FBN1: variants seen among roughly 807,000 people sequenced by gnomAD.
FBN1 encodes fibrillin 1.
FBN1 carries 29 observed loss-of-function variants against 365.1 expected under a neutral mutation model. That is an observed-to-expected ratio of 0.08 (90% confidence interval 0.06 to 0.11). The LOEUF (loss-of-function observed/expected upper bound fraction) is 0.11, where lower values mean the gene tolerates loss of function less well. Ranked by LOEUF, FBN1 falls within the 10% of genes least tolerant of loss-of-function variation. The pLI is 1.00. For missense variants in FBN1, 2,476 were observed against 3,703.2 expected, an observed-to-expected ratio of 0.67 and a Z score of 8.60; for synonymous variants, 1,210 against 1,270.5, an observed-to-expected ratio of 0.95 and a Z score of 1.01.
chr15:48,422,866 G>C (rs2042953815), intron 60 of FBN1, among the ~76,000 whole-genome samples: 1 of 152,112 alleles, frequency 6.6e-6, no homozygotes, highest in Non-Finnish European at 1.5e-5. Flanking sequence ...GGCAGAGGTT[G>C]CAGTGAGCTG....
At position 48,614,295 on chromosome 15, in the gene FBN1, G is replaced by C. The variant is rs138023986; in HGVS notation, c.165-1203C>G. 2.2e-3 allele frequency among the ~76,000 whole-genome samples: 335 copies of C among 152,280 alleles called. 3 individuals are homozygous for C. Among genetic ancestry groups the C allele is most frequent in the African/African-American group, 7.6e-3 (315 of 41,550 alleles). ...CTAGGAGCAATTCCAAAGCTTACTGGTATAAACACTGTAAACCCAAAAGCA... is the reference window on the plus strand; with the variant it reads ...CTAGGAGCAATTCCAAAGCTTACTGCTATAAACACTGTAAACCCAAAAGCA... On this transcript the variant is annotated intron_variant, in intron 2 of 65. Transcript: ENST00000316623.
At position 48,494,031 on chromosome 15, in the gene FBN1, GTA is replaced by G. The variant is rs551801956; in HGVS notation, c.2728+171_2728+172del. On this transcript the variant is annotated intron_variant, in intron 23 of 65. Coordinates refer to ENST00000316623, the MANE Select transcript of FBN1 (RefSeq NM_000138.5). ...ACATAGCGTTCTGACACTAGCAACA[GTA>G]TATATATGCTTGTGAAATTAACAGC... Among the ~76,000 whole-genome samples the G allele has an allele frequency of 1.5e-4, 23 of 152,300 alleles. No homozygotes were observed. In the East Asian group the frequency reaches 4.2e-3, roughly 28 times the overall value.
chr15:48,470,804 A>T lies in FBN1; in HGVS notation c.4337-48T>A, dbSNP rs374554047. ...CAAAAAACTTAACTTATATTTTTCT[A>T]AAAAAAACCTGCCAAATATAATTAG... On this transcript the variant is annotated intron_variant, in intron 35 of 65. Transcript: ENST00000316623. 88 of 1,582,122 alleles carry T rather than the reference A, an allele frequency of 5.6e-5. No homozygotes were observed. The African/African-American group carries it at 9.6e-4, about 17-fold the overall frequency.
rs527908132 is a variant in FBN1 at position 48,524,077 on chromosome 15, A to G, written c.988+2053T>C. ...GTACAACCAGGAGTTAGGAGTTGTG[A>G]GGCTCAAACTAGGGAAAGGACATCT... On this transcript the variant is annotated intron_variant, in intron 9 of 65. Coordinates refer to ENST00000316623, the MANE Select transcript of FBN1 (RefSeq NM_000138.5). 4.7e-4 allele frequency among the ~76,000 whole-genome samples: 71 copies of G among 152,312 alleles called. 1 individual carries two copies. Among genetic ancestry groups the G allele is most frequent in the African/African-American group, 1.5e-3 (61 of 41,560 alleles).
intron 6 of FBN1, among the ~76,000 whole-genome samples, chr15:48,566,390 G>C (rs944197456): frequency 6.6e-6 from 1 of 152,104 alleles, no homozygotes; most frequent in East Asian, 1.9e-4. Context: ...TTTTACTTGT[G>C]TCTCCACACT....
intron 2 of FBN1, 101 bp from the exon 3 acceptor site, chr15:48,613,193 T>A (rs1043133847): frequency 2.3e-5 from 20 of 880,604 alleles, no homozygotes; most frequent in African/African-American, 1.7e-5. Flanking sequence ...AAAAGCAAGA[T>A]GAATCCTGGC....
At chr15:48,534,790 A>G (rs570425017) in intron 7 of FBN1, among the ~76,000 whole-genome samples, 1 of 152,346 alleles carries the variant, frequency 6.6e-6, no homozygotes, top group South Asian at 2.1e-4. Context: ...TAAACAACTC[A>G]GAAAATTAGG....
intron 6 of FBN1, among the ~76,000 whole-genome samples, chr15:48,543,927 A>G (rs1296236255): frequency 6.6e-6 from 1 of 151,886 alleles, no homozygotes; most frequent in African/African-American, 2.4e-5. Flanking sequence ...AGCAATGTAA[A>G]TAAATAATAA....
intron 6 of FBN1, among the ~76,000 whole-genome samples, chr15:48,579,505 T>C (rs2044375126): frequency 6.6e-6 from 1 of 152,232 alleles, no homozygotes; most frequent in South Asian, 2.1e-4. Context: ...TTTCATCTTT[T>C]AGAAAGTCTC....
At chr15:48,466,441 A>G (rs1286629762) in intron 38 of FBN1, among the ~76,000 whole-genome samples, 1 of 152,196 alleles carries the variant, frequency 6.6e-6, no homozygotes, top group Non-Finnish European at 1.5e-5. Context: ...GGTTTCCCCC[A>G]TTAATTCTTT....
chr15:48,503,112 A>G (rs935784569), intron 17 of FBN1, among the ~76,000 whole-genome samples: 3 of 152,020 alleles, frequency 2.0e-5, no homozygotes, highest in African/African-American at 7.2e-5. Context: ...AGCCTGGCCA[A>G]TATGGTGAAA....
chr15:48,621,739 A>C (rs1889770307), intron 2 of FBN1, among the ~76,000 whole-genome samples: 1 of 152,204 alleles, frequency 6.6e-6, no homozygotes, highest in Non-Finnish European at 1.5e-5. Flanking sequence ...CTGTAATCCC[A>C]GTACTTTCGG....
At chr15:48,572,365 C>A (rs900806169) in intron 6 of FBN1, among the ~76,000 whole-genome samples, 1 of 151,730 alleles carries the variant, frequency 6.6e-6, no homozygotes, top group Non-Finnish European at 1.5e-5. Flanking sequence ...TTTGTAGGGG[C>A]AAGAGGAGGT....
Position 48,576,489 on chromosome 15 carries a change from A to C in FBN1, c.538+19794T>G, listed in dbSNP as rs7181971. On this transcript the variant is annotated intron_variant, in intron 6 of 65. Coordinates refer to ENST00000316623, the MANE Select transcript of FBN1 (RefSeq NM_000138.5). Reference sequence around the variant, plus strand: ...CCATGGGTTGATCCCAACAGACCATAAGCTGGAGGGCAGGAACCTTGTTTT... The same window carrying C: ...CCATGGGTTGATCCCAACAGACCATCAGCTGGAGGGCAGGAACCTTGTTTT... Among the ~76,000 whole-genome samples, 653 of 152,264 alleles carry C rather than the reference A, an allele frequency of 4.3e-3. 8 individuals are homozygous for C. The highest frequency in any genetic ancestry group is 0.015 in the African/African-American group (623 of 41,544).
intron 6 of FBN1, among the ~76,000 whole-genome samples, chr15:48,578,583 C>G (rs185090149): frequency 6.6e-6 from 1 of 151,888 alleles, no homozygotes; most frequent in Non-Finnish European, 1.5e-5. Flanking sequence ...CCTGAGGAAT[C>G]GCCACATTGA....
At chr15:48,468,948 G>C (rs997750030) in intron 36 of FBN1, among the ~76,000 whole-genome samples, 13 of 151,348 alleles carry the variant, frequency 8.6e-5, no homozygotes, top group Admixed American at 5.3e-4. Flanking sequence ...GGTGCCTGTA[G>C]TCCCAGCTAC....
intron 60 of FBN1, 112 bp from the exon 61 acceptor site, chr15:48,422,180 C>A: frequency 1.3e-6 from 1 of 755,642 alleles, no homozygotes; most frequent in Non-Finnish European, 2.4e-6. Flanking sequence ...ATGACCCTGA[C>A]TAGAAAGAAG....
intron 4 of FBN1, among the ~76,000 whole-genome samples, chr15:48,600,680 G>A (rs997182936): frequency 6.6e-6 from 1 of 152,196 alleles, no homozygotes; most frequent in African/African-American, 2.4e-5. Context: ...ACTCCAGCCT[G>A]AGTGACAGAG....
chr15:48,605,104 T>G (rs1000197198), intron 4 of FBN1, among the ~76,000 whole-genome samples: 3 of 152,334 alleles, frequency 2.0e-5, no homozygotes, highest in African/African-American at 7.2e-5. Context: ...TATACAGGTT[T>G]GATGCAATTC....
Sources: allele counts gnomAD v4.1 joint callset (sites outside exome capture counted in the v4.1 genomes callset), GRCh38; gene constraint gnomAD v4.1.1; transcripts MANE v1.5; gene names NCBI Gene and HGNC (gene_info 2026-07-23, HGNC 2026-07-21).